ZFR: variants seen among roughly 807,000 people sequenced by gnomAD.
ZFR encodes zinc finger RNA binding protein.
In ZFR, 19 loss-of-function variants were observed where a neutral mutation model predicts 130.7. The ratio of observed to expected loss-of-function variants is 0.15; its 90% CI spans 0.10 to 0.21. The LOEUF is 0.21. ZFR is among the 10% of genes least tolerant of loss of function. ZFR has a pLI of 1.00. For missense variants in ZFR, 872 were observed against 1,321.5 expected (o/e 0.66, Z 5.27); for synonymous variants, 466 against 456.9 (o/e 1.02, Z -0.25).
chr5:32,427,795 T>C (rs1165739769), intron 2 of ZFR, among the ~76,000 whole-genome samples: 6 of 152,192 alleles, frequency 3.9e-5, no homozygotes, highest in African/African-American at 1.4e-4. Context: ...TGAAATAGAA[T>C]AGAGGACCCA....
At chr5:32,391,842 T>C (rs146613363) in intron 11 of ZFR, among the ~76,000 whole-genome samples, 38 of 152,066 alleles carry the variant, frequency 2.5e-4, no homozygotes, top group Non-Finnish European at 4.4e-4. Context: ...CAGGTGATCC[T>C]CCCACCTCAG....
chr5:32,389,173 T>C lies in ZFR; in HGVS notation c.2143-499A>G, dbSNP rs1044180181. 2.6e-5 allele frequency among the ~76,000 whole-genome samples: 4 copies of C among 152,264 alleles called. No individual in the cohort carries two copies. The East Asian group carries it at 5.8e-4, about 22-fold the overall frequency. ...GCTTCTGCATCTCTCAAGATGCAGA[T>C]TTTTCCTATAGTCTTAATAACACAT... On this transcript the variant is annotated intron_variant, in intron 12 of 19. Transcript: ENST00000265069.
At chr5:32,405,762 C>T (rs1753566791) in intron 6 of ZFR, among the ~76,000 whole-genome samples, 1 of 152,148 alleles carries the variant, frequency 6.6e-6, no homozygotes, top group Admixed American at 6.5e-5. Flanking sequence ...TCACCTCCTG[C>T]CAACCAAGCA....
chr5:32,385,576 T>G lies in ZFR; in HGVS notation c.2573A>C (p.Glu858Ala). 1 of 1,613,582 alleles carries G rather than the reference T, an allele frequency of 6.2e-7. No homozygotes were observed. The highest frequency in any genetic ancestry group is 8.5e-7 in the Non-Finnish European group (1 of 1,179,588). Residue 858 changes from glutamate (E) to alanine (A), a missense_variant, in exon 15 of 20, where the codon GAA (glutamate) becomes GCA (alanine). By Grantham distance (107) the Glu-to-Ala change is moderately radical (BLOSUM62 -1). Around this residue, in one of 7 missense-constraint regions of ZFR, gnomAD observed 225 missense variants for 282.4 expected, o/e 0.80. Transcript: ENST00000265069. ...TGTGATAGTGACTTGCATTTTGGGTTCCACACATGAATTCAAAATTATTGC... is the reference window on the plus strand; with the variant it reads ...TGTGATAGTGACTTGCATTTTGGGTGCCACACATGAATTCAAAATTATTGC... ...EAAIILNSCV[E>A]PKMQVTITLT...
intron 10 of ZFR, among the ~76,000 whole-genome samples, chr5:32,397,015 A>G (rs199867652): frequency 8.5e-5 from 13 of 152,188 alleles, no homozygotes; most frequent in African/African-American, 2.4e-4. Flanking sequence ...ACTGATGAGA[A>G]TGTTATTCTT....
At chr5:32,433,120 A>C (rs1754259238) in intron 2 of ZFR, among the ~76,000 whole-genome samples, 1 of 151,850 alleles carries the variant, frequency 6.6e-6, no homozygotes, top group African/African-American at 2.4e-5. Context: ...CAGGGGAGCG[A>C]GGTGGTTAAA....
intron 2 of ZFR, among the ~76,000 whole-genome samples, chr5:32,443,033 A>G (rs1242719804): frequency 6.6e-6 from 1 of 151,836 alleles, no homozygotes; most frequent in Non-Finnish European, 1.5e-5. Flanking sequence ...TTTCTCTCTA[A>G]GAAAAATTAT....
Position 32,424,399 on chromosome 5 carries a change from C to T in ZFR, c.138-4296G>A, listed in dbSNP as rs534349406. 2.2e-3 allele frequency among the ~76,000 whole-genome samples: 331 copies of T among 152,118 alleles called. 1 individual carries two copies. Among genetic ancestry groups the T allele is most frequent in the Non-Finnish European group, 2.9e-3 (196 of 67,962 alleles). On this transcript the variant is annotated intron_variant, in intron 2 of 19. Coordinates refer to ENST00000265069, the MANE Select transcript of ZFR (RefSeq NM_016107.5). Reference sequence around the variant, plus strand: ...ACAAAACATTAGCTGGGCGCAGTGGCGGGCACCTGTAGTCCCGGCTACTCG... The same window carrying T: ...ACAAAACATTAGCTGGGCGCAGTGGTGGGCACCTGTAGTCCCGGCTACTCG...
chr5:32,374,368 T>A (rs991561810), intron 17 of ZFR, among the ~76,000 whole-genome samples: 1 of 152,026 alleles, frequency 6.6e-6, no homozygotes, highest in Non-Finnish European at 1.5e-5. Context: ...CCAGGCGTGG[T>A]GGTGCATGCC....
intron 5 of ZFR, among the ~76,000 whole-genome samples, chr5:32,409,959 T>C (rs1403845409): frequency 1.3e-5 from 2 of 151,762 alleles, no homozygotes; most frequent in Non-Finnish European, 2.9e-5. Context: ...GGTGACAGAA[T>C]GAGACCCTGT....
At chr5:32,379,460 C>T (rs1485041274) in intron 16 of ZFR, 1 of 413,394 alleles carries the variant, frequency 2.4e-6, no homozygotes, top group Non-Finnish European at 4.4e-6. Flanking sequence ...CCCTGTGAAC[C>T]TTGACCTGTG....
chr5:32,436,273 C>A (rs1754332203), intron 2 of ZFR, among the ~76,000 whole-genome samples: 1 of 151,286 alleles, frequency 6.6e-6, no homozygotes, highest in Non-Finnish European at 1.5e-5. Context: ...CTCGGCCTCC[C>A]GAGTAGCTGG....
At chr5:32,371,700 G>A (rs1225842252) in intron 17 of ZFR, among the ~76,000 whole-genome samples, 2 of 151,846 alleles carry the variant, frequency 1.3e-5, no homozygotes, top group African/African-American at 4.8e-5. Context: ...CTATCCTGAA[G>A]ACTTTGAAAA....
At chr5:32,407,129 T>A in intron 5 of ZFR, 108 bp from the exon 6 acceptor site, 1 of 1,029,670 alleles carries the variant, frequency 9.7e-7, no homozygotes, top group South Asian at 1.9e-5. Flanking sequence ...TAGATTTACA[T>A]GTGCATATTT....
intron 2 of ZFR, among the ~76,000 whole-genome samples, chr5:32,443,793 A>T (rs555420843): frequency 6.6e-6 from 1 of 152,362 alleles, no homozygotes; most frequent in East Asian, 1.9e-4. Context: ...GACCTGCGAC[A>T]CGGCACTCCC....
At chr5:32,379,850 C>T in intron 16 of ZFR, 2 of 389,070 alleles carry the variant, frequency 5.1e-6, no homozygotes, top group Non-Finnish European at 9.2e-6. Flanking sequence ...TAAAAAAACC[C>T]CAACTACAAA....
intron 19 of ZFR, among the ~76,000 whole-genome samples, chr5:32,363,550 T>A (rs967692940): frequency 6.6e-5 from 10 of 152,174 alleles, no homozygotes; most frequent in Non-Finnish European, 1.3e-4. Context: ...TTTACTTTAT[T>A]TGACAGTGGC....
intron 5 of ZFR, among the ~76,000 whole-genome samples, chr5:32,414,691 G>T (rs77304126): frequency 6.6e-6 from 1 of 151,990 alleles, no homozygotes; most frequent in Non-Finnish European, 1.5e-5. Context: ...TAGAAAACTC[G>T]GTGTTACTTC....
intron 10 of ZFR, 74 bp from the exon 11 acceptor site, chr5:32,395,378 A>G (rs1405118528): frequency 8.3e-7 from 1 of 1,209,276 alleles, no homozygotes; most frequent in African/African-American, 1.6e-5. Context: ...TCATACAATT[A>G]CACTTATTCT....
Sources: gnomAD v4.1 joint callset for allele counts (sites outside exome capture counted in the v4.1 genomes callset) on GRCh38, gnomAD v4.1.1 for gene constraint, gnomAD v4.1.1 regional missense constraint, MANE v1.5 for transcripts, NCBI Gene and HGNC (gene_info 2026-07-23, HGNC 2026-07-21) for gene names.